AP4S1: variants seen among roughly 807,000 people sequenced by gnomAD.
The protein encoded by AP4S1 is adaptor related protein complex 4 subunit sigma 1, also known as AP-4 complex subunit sigma-1.
Under a neutral mutation model 19.8 loss-of-function variants are expected in AP4S1, and 23 were observed. The observed-to-expected ratio is 1.16, with a 90% CI of 0.84 to 1.65. The LOEUF (loss-of-function observed/expected upper bound fraction) is 1.65. Ranked by LOEUF, AP4S1 falls within the 40% of genes most tolerant of loss-of-function variation. The pLI, the probability that AP4S1 is intolerant of heterozygous loss-of-function variation, is 0.00. For synonymous variants in AP4S1, 46 were observed against 54.1 expected (o/e 0.85, Z 0.66); for missense variants, 166 against 172.8 (o/e 0.96, Z 0.22).
At chr14:31,054,032 T>C (rs974599227) in intron 1 of AP4S1, among the ~76,000 whole-genome samples, 5 of 152,150 alleles carry the variant, frequency 3.3e-5, no homozygotes, top group African/African-American at 1.2e-4. Flanking sequence ...GGAATACTTA[T>C]GTGACTTTTT....
intron 1 of AP4S1, among the ~76,000 whole-genome samples, chr14:31,059,870 T>C (rs2139538672): frequency 6.6e-6 from 1 of 151,468 alleles, no homozygotes; most frequent in South Asian, 2.1e-4. Context: ...AGAATTGCTG[T>C]AAGATAACCA....
chr14:31,092,519 G>T (rs762388615), intron 5 of AP4S1, among the ~76,000 whole-genome samples: 2 of 152,142 alleles, frequency 1.3e-5, no homozygotes, highest in Non-Finnish European at 2.9e-5. Flanking sequence ...TGTCTGGAAC[G>T]GGAGTATTCA....
rs371515147 is a variant in AP4S1 at position 31,039,577 on chromosome 14, T to G, written c.-72+13790T>G. 3.9e-3 allele frequency among the ~76,000 whole-genome samples: 569 copies of G among 145,040 alleles called. 14 individuals carry two copies. In the South Asian group the frequency reaches 0.045, roughly 12 times the overall value. ...AATACAATAGGTGTAGTTTTGTTTTTTTTTTTTTTTTTTGAGACGGAGTTT... is the reference window on the plus strand; with the variant it reads ...AATACAATAGGTGTAGTTTTGTTTTGTTTTTTTTTTTTTGAGACGGAGTTT... On this transcript the variant is annotated intron_variant, in intron 1 of 5. Transcript: ENST00000542754.
intron 1 of AP4S1, among the ~76,000 whole-genome samples, chr14:31,055,878 CTG>C (rs758849164): frequency 3.3e-5 from 5 of 150,856 alleles, no homozygotes; most frequent in Non-Finnish European, 2.9e-5. Context: ...GAGTCTCACT[CTG>C]TTACCCAGGC....
In AP4S1 at chr14:31,086,785, G is replaced by A. The variant is rs375802833; in HGVS notation, c.307-6122G>A. ...TTCCTTGAAGGTTATATTTAGAGTC[G>A]TAGGAGCCGGATACTTTGGAGCTAG... is the stretch of plus-strand genomic sequence containing the variant. On this transcript the variant is annotated intron_variant, in intron 5 of 5. Coordinates refer to ENST00000542754, the MANE Select transcript of AP4S1 (RefSeq NM_001128126.3). Among the ~76,000 whole-genome samples, 11 of 152,100 alleles carry A rather than the reference G, an allele frequency of 7.2e-5. 1 individual carries two copies. In the South Asian group the frequency reaches 1.0e-3, roughly 14 times the overall value.
intron 3 of AP4S1, among the ~76,000 whole-genome samples, chr14:31,070,436 TG>T (rs1392468834): frequency 6.6e-6 from 1 of 151,916 alleles, no homozygotes; most frequent in Non-Finnish European, 1.5e-5. Context: ...CTTTTAGAGA[TG>T]GGATCTCACT....
rs387906970 is a variant in AP4S1 at position 31,066,320 on chromosome 14, C to A, written c.124C>A (p.Arg42=). The change falls in exon 2 of 6, where the codon CGA becomes AGA. Residue 42 remains arginine, a synonymous_variant. Coordinates refer to ENST00000542754, the MANE Select transcript of AP4S1 (RefSeq NM_001128126.3). Reference sequence around the variant, plus strand: ...AGAAGTCATAAAGAGCTGTCTCTCTCGATCCAATGAACAAGTAAGTCTCTG... The same window carrying A: ...AGAAGTCATAAAGAGCTGTCTCTCTAGATCCAATGAACAAGTAAGTCTCTG... The part of the protein sequence containing the change: ...ETEVIKSCLS[R]SNEQCSFIEY... 706 of 1,613,914 alleles carry A rather than the reference C, an allele frequency of 4.4e-4. 7 individuals are homozygous for A. The South Asian group carries it at 7.0e-3, about 16-fold the overall frequency.
chr14:31,059,247 A>G (rs1886299572), intron 1 of AP4S1, among the ~76,000 whole-genome samples: 1 of 152,224 alleles, frequency 6.6e-6, no homozygotes, highest in African/African-American at 2.4e-5. Context: ...AGAAGCCTTC[A>G]TTTACTCTTT....
intron 4 of AP4S1, among the ~76,000 whole-genome samples, chr14:31,075,498 A>G (rs1345288334): frequency 6.6e-6 from 1 of 152,212 alleles, no homozygotes; most frequent in Admixed American, 6.5e-5. Flanking sequence ...ATTGGACTGC[A>G]GACATCTCTT....
chr14:31,072,754 T>A (rs1386476140), intron 3 of AP4S1, 151 bp from the exon 4 acceptor site: 5 of 671,302 alleles, frequency 7.4e-6, no homozygotes, highest in Non-Finnish European at 1.4e-5. Context: ...AGAACTGTTC[T>A]GAATATTTGT....
rs566912742 is a variant in AP4S1 at position 31,034,754 on chromosome 14, A to G, written c.-72+8967A>G. 4.7e-5 allele frequency among the ~76,000 whole-genome samples: 7 copies of G among 150,110 alleles called. No homozygotes were observed. In the East Asian group the frequency reaches 1.2e-3, roughly 25 times the overall value. On this transcript the variant is annotated intron_variant, in intron 1 of 5. Coordinates refer to ENST00000542754, the MANE Select transcript of AP4S1 (RefSeq NM_001128126.3). ...CACCTCAGTCTACCAAGTAGCTGGGATTACAGGCACCCGCCACCACGACCA... is the reference window on the plus strand; with the variant it reads ...CACCTCAGTCTACCAAGTAGCTGGGGTTACAGGCACCCGCCACCACGACCA...
At chr14:31,074,262 T>A (rs1453775737) in intron 4 of AP4S1, among the ~76,000 whole-genome samples, 1 of 151,616 alleles carries the variant, frequency 6.6e-6, no homozygotes, top group Non-Finnish European at 1.5e-5. Context: ...GAGGCAGAGG[T>A]TGCAGTGAGC....
chr14:31,031,031 C>T (rs758113195), intron 1 of AP4S1, among the ~76,000 whole-genome samples: 4 of 152,106 alleles, frequency 2.6e-5, no homozygotes, highest in Admixed American at 2.0e-4. Context: ...ATCATGGGGA[C>T]GGTTTCCCCC....
chr14:31,028,233 A>C (rs1438915468), intron 1 of AP4S1, among the ~76,000 whole-genome samples: 2 of 151,454 alleles, frequency 1.3e-5, no homozygotes, highest in Non-Finnish European at 2.9e-5. Flanking sequence ...GCTGGAATGC[A>C]GTGGTGTGAG....
At chr14:31,055,839 C>A (rs1169883015) in intron 1 of AP4S1, among the ~76,000 whole-genome samples, 7 of 140,710 alleles carry the variant, frequency 5.0e-5, no homozygotes, top group African/African-American at 1.8e-4. Flanking sequence ...TTTCTTTTTT[C>A]TTTTTTCTTT....
intron 5 of AP4S1, 95 bp downstream of exon 5, chr14:31,080,679 A>G (rs1242069926): frequency 3.9e-6 from 6 of 1,558,096 alleles, no homozygotes; most frequent in Non-Finnish European, 5.3e-6. Flanking sequence ...TATTCAGCAG[A>G]GTCCAGAGTG....
intron 5 of AP4S1, among the ~76,000 whole-genome samples, chr14:31,082,556 T>C (rs78221587): frequency 6.6e-6 from 1 of 152,140 alleles, no homozygotes; most frequent in African/African-American, 2.4e-5. Context: ...CTGTGTGTAT[T>C]GGACAAGACA....
intron 1 of AP4S1, among the ~76,000 whole-genome samples, chr14:31,048,094 T>C (rs1251947255): frequency 7.2e-6 from 1 of 139,400 alleles, no homozygotes; most frequent in Non-Finnish European, 1.5e-5. Context: ...ATTTCTTTAA[T>C]TTTTTTTTTT....
Position 31,026,187 on chromosome 14 carries a change from G to C in AP4S1, c.-72+400G>C, listed in dbSNP as rs757208023. 1.9e-5 allele frequency: 27 copies of C among 1,456,390 alleles called. 1 individual carries two copies. In the South Asian group the frequency reaches 3.5e-4, roughly 19 times the overall value. 90.2% of individuals were successfully genotyped at this position (1,456,390 alleles called of 1,614,324 possible). A position where few individuals can be genotyped will look rare whatever the true frequency, so the allele number is the denominator to read the frequency against. ...ACCGCCTCCGGCAAGCTCGTCCATT[G>C]TGTGTGGGGCCCCGGCCGGGGCGCA... On this transcript the variant is annotated intron_variant, in intron 1 of 5. Transcript: ENST00000542754.
Sources: gnomAD v4.1 joint callset for allele counts (sites outside exome capture counted in the v4.1 genomes callset) on GRCh38, gnomAD v4.1.1 for gene constraint, MANE v1.5 for transcripts, NCBI Gene and HGNC (gene_info 2026-07-23, HGNC 2026-07-21) for gene names.